CLMN: variants seen among roughly 807,000 people sequenced by gnomAD.
CLMN encodes the protein calmin, also known as calmin (calponin-like, transmembrane).
CLMN carries 57 observed loss-of-function variants against 92.7 expected under a neutral mutation model. That is an observed-to-expected ratio of 0.61 (90% CI 0.50 to 0.77). The LOEUF (loss-of-function observed/expected upper bound fraction) is 0.77. CLMN is among the 30% of genes least tolerant of loss of function. CLMN has a pLI of 0.00. For missense variants in CLMN, 1,158 were observed against 1,237.5 expected (o/e 0.94, Z 0.96); for synonymous variants, 466 against 470.6 (o/e 0.99, Z 0.13).
chr14:95,279,976 T>G (rs776809166), intron 1 of CLMN, among the ~76,000 whole-genome samples: 2,543 of 152,200 alleles, frequency 0.017, 29 homozygotes, highest in Non-Finnish European at 0.024. Context: ...GTTGTTGTTT[T>G]TTTTTTTTGC....
chr14:95,262,246 G>A (rs118009971), intron 1 of CLMN, among the ~76,000 whole-genome samples: 2,407 of 152,288 alleles, frequency 0.016, 25 homozygotes, highest in Non-Finnish European at 0.024. Flanking sequence ...CTGTACCTGC[G>A]CTGGGGTTCA....
At chr14:95,255,365 TGAGA>T (rs1898955820) in intron 1 of CLMN, among the ~76,000 whole-genome samples, 1 of 152,340 alleles carries the variant, frequency 6.6e-6, no homozygotes, top group Middle Eastern at 3.4e-3. Flanking sequence ...GAAGATGTTC[TGAGA>T]GAGAGGGTGA....
At position 95,202,998 on chromosome 14, in the gene CLMN, G is replaced by A. The variant is rs35569227; in HGVS notation, c.2351C>T (p.Ser784Leu). 11 of 1,613,984 alleles carry A rather than the reference G, an allele frequency of 6.8e-6. No individual in the cohort carries two copies. The highest frequency in any genetic ancestry group is 1.6e-4 in the Middle Eastern group (1 of 6,082). ...ADGSQSSSSS[S>L]VPGESLPSAS... ...ACTGGGGAGGCTCTCTCCTGGCACC[G>A]AGGAACTGGAGCTGCTCTGAGAGCC... The change falls in exon 9 of 13, where the codon TCG (serine) becomes TTG (leucine). Residue 784 changes from serine (S) to leucine (L), a missense_variant. Ser to Leu is a moderately radical substitution (Grantham distance 145, BLOSUM62 -2). Transcript: ENST00000298912.
chr14:95,268,792 C>CT (rs1899586224), intron 1 of CLMN, among the ~76,000 whole-genome samples: 3 of 103,802 alleles, frequency 2.9e-5, no homozygotes, highest in South Asian at 3.5e-4. Flanking sequence ...CTCTCTCTCT[C>CT]TCTTTTTTTT....
At chr14:95,292,126 G>A (rs540993240) in intron 1 of CLMN, among the ~76,000 whole-genome samples, 28 of 152,164 alleles carry the variant, frequency 1.8e-4, no homozygotes, top group Non-Finnish European at 3.1e-4. Context: ...AGAATTCAGC[G>A]GCTCACTCCA....
intron 1 of CLMN, among the ~76,000 whole-genome samples, chr14:95,289,652 C>G (rs562657992): frequency 2.0e-5 from 3 of 152,096 alleles, no homozygotes; most frequent in African/African-American, 7.2e-5. Flanking sequence ...GGCTTCAAAC[C>G]AGGGAAAAGA....
chr14:95,243,341 G>A (rs1329128483), intron 1 of CLMN, among the ~76,000 whole-genome samples: 1 of 152,164 alleles, frequency 6.6e-6, no homozygotes, highest in East Asian at 1.9e-4. Flanking sequence ...GTGTGTGTTG[G>A]GGGTAGGTCT....
At chr14:95,195,387 C>T (rs1268140920) in intron 10 of CLMN, among the ~76,000 whole-genome samples, 1 of 152,228 alleles carries the variant, frequency 6.6e-6, no homozygotes, top group Non-Finnish European at 1.5e-5. Context: ...GGGCAGCAGC[C>T]TTCTGTTGTG....
intron 1 of CLMN, among the ~76,000 whole-genome samples, chr14:95,319,038 GGTCCCA>G (rs1901919395): frequency 6.6e-6 from 1 of 152,128 alleles, no homozygotes; most frequent in South Asian, 2.1e-4. Flanking sequence ...TAGAAGCCTT[GGTCCCA>G]GTGTCCTGTG....
intron 1 of CLMN, among the ~76,000 whole-genome samples, chr14:95,241,375 G>A (rs1418982841): frequency 6.6e-6 from 1 of 152,134 alleles, no homozygotes; most frequent in Non-Finnish European, 1.5e-5. Flanking sequence ...ATGTCCAGGA[G>A]AGCATGCCCC....
At chr14:95,218,059 G>A (rs1233895516) in intron 4 of CLMN, among the ~76,000 whole-genome samples, 2 of 152,210 alleles carry the variant, frequency 1.3e-5, no homozygotes, top group Admixed American at 6.5e-5. Context: ...CAGAGCTTCA[G>A]GGACAATGCT....
chr14:95,237,274 C>A (rs1898087166), intron 1 of CLMN, among the ~76,000 whole-genome samples: 1 of 152,250 alleles, frequency 6.6e-6, no homozygotes, highest in African/African-American at 2.4e-5. Flanking sequence ...GTGCCTTTCG[C>A]AATCCTCACA....
intron 1 of CLMN, among the ~76,000 whole-genome samples, chr14:95,262,354 C>T (rs1478604420): frequency 2.0e-5 from 3 of 152,128 alleles, no homozygotes; most frequent in Admixed American, 1.3e-4. Flanking sequence ...CAGAGGACAA[C>T]TCAGCAAGCA....
At chr14:95,224,909 G>T (rs532123445) in intron 2 of CLMN, among the ~76,000 whole-genome samples, 1 of 152,166 alleles carries the variant, frequency 6.6e-6, no homozygotes, top group Non-Finnish European at 1.5e-5. Flanking sequence ...CCAGGAAAGG[G>T]GGCTGGTGTG....
intron 1 of CLMN, among the ~76,000 whole-genome samples, chr14:95,260,855 T>C (rs921666837): frequency 2.6e-5 from 4 of 152,200 alleles, no homozygotes; most frequent in African/African-American, 9.7e-5. Context: ...TATGAAGTTG[T>C]GGTCAACCCT....
intron 2 of CLMN, among the ~76,000 whole-genome samples, chr14:95,225,588 A>G (rs1897685688): frequency 6.6e-6 from 1 of 152,218 alleles, no homozygotes; most frequent in African/African-American, 2.4e-5. Flanking sequence ...TGTGGCCATC[A>G]GTGGAAGGGA....
At chr14:95,276,454 A>C (rs1899931313) in intron 1 of CLMN, among the ~76,000 whole-genome samples, 1 of 152,162 alleles carries the variant, frequency 6.6e-6, no homozygotes, top group South Asian at 2.1e-4. Context: ...TTCTCCCCAA[A>C]GGGGGAACTT....
At chr14:95,196,871 C>G (rs994787011) in intron 9 of CLMN, among the ~76,000 whole-genome samples, 177 bp from the exon 10 acceptor site, 2 of 152,192 alleles carry the variant, frequency 1.3e-5, no homozygotes, top group African/African-American at 4.8e-5. Context: ...ACAAGTCCAC[C>G]CCAACTCCGG....
At chr14:95,316,336 A>C (rs1159913936) in intron 1 of CLMN, among the ~76,000 whole-genome samples, 1 of 152,254 alleles carries the variant, frequency 6.6e-6, no homozygotes, top group Non-Finnish European at 1.5e-5. Context: ...TGAGGGTGGC[A>C]CAGGCAGTCT....
Sources: allele counts gnomAD v4.1 joint callset (sites outside exome capture counted in the v4.1 genomes callset), GRCh38; gene constraint gnomAD v4.1.1; transcripts MANE v1.5; gene names NCBI Gene and HGNC (gene_info 2026-07-23, HGNC 2026-07-21).